Variants in ZNF69 observed in about 807,000 individuals in gnomAD.
ZNF69 encodes zinc finger protein 69.
Under a neutral mutation model 50.9 loss-of-function variants are expected in ZNF69, and 47 were observed. The observed-to-expected ratio is 0.92, with a 90% CI of 0.73 to 1.18. The LOEUF (loss-of-function observed/expected upper bound fraction) is 1.18. Among genes scored for constraint, ZNF69 ranks in the 50% most tolerant of loss-of-function variants. The probability of loss-of-function intolerance (pLI) is 0.00; values close to 1 mark genes in which losing one functional copy is unlikely to be tolerated. For synonymous variants in ZNF69, 216 were observed against 223.1 expected (o/e 0.97, Z 0.29); for missense variants, 717 against 675.1 (o/e 1.06, Z -0.69).
At chr19:11,965,949 G>A in the ZNF69 span, among the ~76,000 whole-genome samples, 3 of 152,108 alleles carry the variant, frequency 2.0e-5, no homozygotes, top group African/African-American at 7.2e-5. Context: ...GGTGGTTGAG[G>A]GATTCTGTAG....
At chr19:11,900,242 T>C (rs1183562928) in intron 1 of ZNF69, among the ~76,000 whole-genome samples, 1 of 151,570 alleles carries the variant, frequency 6.6e-6, no homozygotes, top group African/African-American at 2.4e-5. Flanking sequence ...CATGAGCCAC[T>C]GCACCCGGCC....
chr19:11,922,830 A>ATTT, the ZNF69 span, among the ~76,000 whole-genome samples: 2 of 141,934 alleles, frequency 1.4e-5, no homozygotes, highest in African/African-American at 5.2e-5. Flanking sequence ...TTTGTTTTTG[A>ATTT]TTTTTTTTTT....
intron 1 of ZNF69, 145 bp from the exon 2 acceptor site, chr19:11,903,428 T>C: frequency 7.2e-7 from 1 of 1,390,962 alleles, no homozygotes; most frequent in South Asian, 1.5e-5. Context: ...AATTGCTTTA[T>C]GGAAGAAAGT....
Position 11,905,028 on chromosome 19 carries a change from G to T in ZNF69, c.631G>T (p.Val211Leu). Residue 211 changes from valine to leucine, a missense_variant, in exon 4 of 4, where the codon GTG becomes TTG. Coordinates refer to ENST00000429654, the MANE Select transcript of ZNF69 (RefSeq NM_001364730.1). ...FISHSSIQRH[V>L]VMHSGDGPYK... ...TTCCCATTCAAGCATTCAAAGACAC[G>T]TGGTAATGCACAGTGGGGATGGACC... 3 of 1,614,146 alleles carry T rather than the reference G, an allele frequency of 1.9e-6. No homozygotes were observed. Among genetic ancestry groups the T allele is most frequent in the Non-Finnish European group, 2.5e-6 (3 of 1,180,022 alleles).
the ZNF69 span, among the ~76,000 whole-genome samples, chr19:11,977,837 A>G: frequency 6.6e-6 from 1 of 152,224 alleles, no homozygotes; most frequent in African/African-American, 2.4e-5. Flanking sequence ...CAGGATGGTC[A>G]CAGGATGAGA....
chr19:11,948,960 A>G, the ZNF69 span: 1 of 1,608,322 alleles, frequency 6.2e-7, no homozygotes, highest in African/African-American at 1.3e-5. Context: ...AAGAATGTGG[A>G]AAAGCATTTG....
At chr19:11,959,025 G>T in the ZNF69 span, among the ~76,000 whole-genome samples, 1,921 of 152,272 alleles carry the variant, frequency 0.013, 23 homozygotes, top group South Asian at 0.024. Context: ...TGGGACTACA[G>T]GCACATGACA....
chr19:11,970,923 C>T, the ZNF69 span, among the ~76,000 whole-genome samples: 22 of 151,920 alleles, frequency 1.4e-4, no homozygotes, highest in Non-Finnish European at 4.4e-5. Flanking sequence ...GAGAGTGAAA[C>T]CTCATTTCAA....
the ZNF69 span, among the ~76,000 whole-genome samples, chr19:11,965,376 C>G: frequency 6.6e-6 from 1 of 152,210 alleles, no homozygotes; most frequent in Admixed American, 6.5e-5. Context: ...CTGGATGGGG[C>G]TGGGCTGGCA....
the ZNF69 span, among the ~76,000 whole-genome samples, chr19:11,920,653 T>TG: frequency 0.34 from 1,087 of 3,154 alleles, 6 homozygotes; most frequent in Middle Eastern, 0.5. Context: ...TTTGGGAGGC[T>TG]GAGGGGGGTG....
chr19:11,967,560 C>T, the ZNF69 span, among the ~76,000 whole-genome samples: 19,082 of 151,902 alleles, frequency 0.13, 2,205 homozygotes, highest in African/African-American at 0.31. Context: ...CCCGCCACCA[C>T]GCTCGGCTAA....
At chr19:11,969,234 A>G in the ZNF69 span, among the ~76,000 whole-genome samples, 5 of 152,134 alleles carry the variant, frequency 3.3e-5, no homozygotes, top group African/African-American at 1.2e-4. Flanking sequence ...CCTTTCCAGT[A>G]GCTGGGATTA....
At chr19:11,911,486 T>C (rs1411594022), downstream of ZNF69, among the ~76,000 whole-genome samples, 4 of 152,190 alleles carry the variant, frequency 2.6e-5, no homozygotes, top group African/African-American at 4.8e-5. Context: ...TGGAATACTA[T>C]GCAGCCATAA....
At chr19:11,951,231 T>G in the ZNF69 span, among the ~76,000 whole-genome samples, 4 of 146,310 alleles carry the variant, frequency 2.7e-5, no homozygotes, top group Non-Finnish European at 4.5e-5. Context: ...ATTTTGCTGG[T>G]TTTTGTTTTT....
chr19:11,889,857 G>A (rs1216837164), intron 1 of ZNF69, among the ~76,000 whole-genome samples: 1 of 152,152 alleles, frequency 6.6e-6, no homozygotes, highest in Non-Finnish European at 1.5e-5. Flanking sequence ...GTGATGGTGG[G>A]GAGAAGGTCA....
At chr19:11,964,216 AT>A in the ZNF69 span, among the ~76,000 whole-genome samples, 1 of 152,196 alleles carries the variant, frequency 6.6e-6, no homozygotes, top group South Asian at 2.1e-4. Flanking sequence ...AGGAGTGTGG[AT>A]TCCGAGAAGC....
chr19:11,906,049 T>C lies in ZNF69; in HGVS notation c.1652T>C (p.Met551Thr), dbSNP rs1163153794. 1 of 1,613,246 alleles carries C rather than the reference T, an allele frequency of 6.2e-7. No homozygotes were observed. Among genetic ancestry groups the C allele is most frequent in the Non-Finnish European group, 8.5e-7 (1 of 1,179,770 alleles). The change falls in exon 4 of 4, where the codon ATG becomes ACG. Residue 551 changes from methionine to threonine, a missense_variant. Coordinates refer to ENST00000429654, the MANE Select transcript of ZNF69 (RefSeq NM_001364730.1). ...KAFRAASVLR[M>T]HGRTHPEDKP... ...TTCAGAGCTGCCTCAGTCCTTCGAA[T>C]GCATGGTAGGACTCACCCTGAAGAT...
the ZNF69 span, chr19:11,953,039 A>ACT: frequency 6.6e-6 from 1 of 152,154 alleles, no homozygotes; most frequent in African/African-American, 2.4e-5. Flanking sequence ...ACGCCACTGC[A>ACT]CTCTCTAGCC....
the ZNF69 span, among the ~76,000 whole-genome samples, chr19:11,943,516 A>G: frequency 6.6e-6 from 1 of 151,844 alleles, no homozygotes; most frequent in Non-Finnish European, 1.5e-5. Context: ...TATTTTTTTT[A>G]CTTCTATTAC....
Sources: gnomAD v4.1 joint callset for allele counts (sites outside exome capture counted in the v4.1 genomes callset) on GRCh38, gnomAD v4.1.1 for gene constraint, MANE v1.5 for transcripts, NCBI Gene and HGNC (gene_info 2026-07-23, HGNC 2026-07-21) for gene names.